Variants in CHEK1 observed in about 807,000 individuals in gnomAD.
CHEK1 encodes the protein serine/threonine-protein kinase Chk1.
Under a neutral mutation model 60.2 loss-of-function variants are expected in CHEK1, and 32 were observed. That is an observed-to-expected ratio of 0.53 (90% CI 0.40 to 0.71). The LOEUF (loss-of-function observed/expected upper bound fraction) is 0.71, where lower values mean the gene tolerates loss of function less well. Ranked by LOEUF, CHEK1 falls within the 30% of genes least tolerant of loss-of-function variation. CHEK1 has a pLI of 0.00. For synonymous variants in CHEK1, 179 were observed against 187.2 expected, an observed-to-expected ratio of 0.96 and a Z score of 0.36; for missense variants, 399 against 564.6, an observed-to-expected ratio of 0.71 and a Z score of 2.97.
At chr11:125,652,562 C>G (rs1358098035) in intron 11 of CHEK1, among the ~76,000 whole-genome samples, 1 of 152,132 alleles carries the variant, frequency 6.6e-6, no homozygotes, top group Non-Finnish European at 1.5e-5. Context: ...CACTCAATCC[C>G]TAGGAGCTGC....
At chr11:125,676,699 TTCTC>T (rs139088797), downstream of CHEK1, among the ~76,000 whole-genome samples, 3 of 152,124 alleles carry the variant, frequency 2.0e-5, no homozygotes, top group Non-Finnish European at 2.9e-5. Flanking sequence ...AATCCCAAAT[TTCTC>T]TCTCTAATAT....
chr11:125,630,110 C>CT (rs1940807188), intron 5 of CHEK1, among the ~76,000 whole-genome samples: 1 of 152,050 alleles, frequency 6.6e-6, no homozygotes, highest in African/African-American at 2.4e-5. Flanking sequence ...CCTGTTCACT[C>CT]TTTTTTTATG....
chr11:125,627,382 A>G (rs753605620), intron 2 of CHEK1, among the ~76,000 whole-genome samples: 8 of 152,220 alleles, frequency 5.3e-5, no homozygotes, highest in Non-Finnish European at 8.8e-5. Context: ...CGTTTATTAA[A>G]TGACTTGTGT....
intron 7 of CHEK1, among the ~76,000 whole-genome samples, chr11:125,636,335 G>T (rs3731415): frequency 1.3e-5 from 2 of 151,214 alleles, no homozygotes; most frequent in East Asian, 3.9e-4. Flanking sequence ...CTGCCATGTG[G>T]ATATGCCTTA....
chr11:125,632,781 T>A (rs886349742), intron 5 of CHEK1, among the ~76,000 whole-genome samples: 2 of 152,330 alleles, frequency 1.3e-5, no homozygotes, highest in East Asian at 3.9e-4. Flanking sequence ...CCTAACATAC[T>A]ACTGATGTTT....
intron 11 of CHEK1, among the ~76,000 whole-genome samples, chr11:125,648,176 A>T (rs1246508537): frequency 1.3e-5 from 2 of 151,264 alleles, no homozygotes; most frequent in Non-Finnish European, 2.9e-5. Context: ...CAAATTGTTC[A>T]TTGCTATATG....
At chr11:125,677,976 G>GA (rs1565396698), downstream of CHEK1, 1 of 1,612,532 alleles carries the variant, frequency 6.2e-7, no homozygotes, top group Non-Finnish European at 8.5e-7. Context: ...CTGTTCTCCG[G>GA]AGAGGTGTTC....
At position 125,626,016 on chromosome 11, in the gene CHEK1, A is replaced by G; in HGVS notation, c.-21+4A>G. ...GTGGTGGGCAAAGGACAGTCCGGTGAGGAAGGGCGGCCGGTAGAGTAGGGA... is the reference window on the plus strand; with the variant it reads ...GTGGTGGGCAAAGGACAGTCCGGTGGGGAAGGGCGGCCGGTAGAGTAGGGA... On this transcript the variant is annotated splice_donor_region_variant and intron_variant, in intron 1 of 12. Coordinates refer to ENST00000438015, the MANE Select transcript of CHEK1 (RefSeq NM_001114122.3). 1 of 696,892 alleles carries G rather than the reference A, an allele frequency of 1.4e-6. No homozygotes were observed. Among genetic ancestry groups the G allele is most frequent in the Non-Finnish European group, 2.6e-6 (1 of 380,176 alleles). 43.2% of individuals were successfully genotyped at this position (696,892 alleles called of 1,614,324 possible). A position where few individuals can be genotyped will look rare whatever the true frequency, so the allele number is the denominator to read the frequency against.
intron 11 of CHEK1, among the ~76,000 whole-genome samples, chr11:125,651,211 TTCAGCAAACGCTAC>T (rs1941714062): frequency 6.6e-6 from 1 of 152,094 alleles, no homozygotes. Context: ...TGTAAGTGTT[TTCAGCAAACGCTAC>T]TCAGGAGTAG....
At chr11:125,644,391 A>G in intron 10 of CHEK1, 121 bp from the exon 11 acceptor site, 2 of 1,467,726 alleles carry the variant, frequency 1.4e-6, no homozygotes, top group Non-Finnish European at 1.8e-6. Flanking sequence ...TTTTTTGGTC[A>G]AGGAAGAAAG....
chr11:125,669,195 G>C (rs930440548), intron 13 of CHEK1, among the ~76,000 whole-genome samples: 1 of 152,060 alleles, frequency 6.6e-6, no homozygotes, highest in Admixed American at 6.6e-5. Flanking sequence ...TTTCTCTTTA[G>C]CCTGAAGTTC....
chr11:125,626,904 A>T, intron 2 of CHEK1, 71 bp downstream of exon 2: 2 of 1,489,350 alleles, frequency 1.3e-6, no homozygotes, highest in Non-Finnish European at 1.9e-6. Flanking sequence ...CACTCTGGTG[A>T]TTTAGAAAGT....
chr11:125,643,666 C>T (rs975578906), intron 8 of CHEK1, 126 bp from the exon 9 acceptor site: 3 of 666,274 alleles, frequency 4.5e-6, no homozygotes, highest in Non-Finnish European at 4.9e-6. Flanking sequence ...TTATATCTTA[C>T]AAAAATTTTG....
At position 125,627,672 on chromosome 11, in the gene CHEK1, G is replaced by A. The variant is rs537858020; in HGVS notation, c.131G>A (p.Arg44His). Reference sequence around the variant, plus strand: ...GCAGTGAAGATTGTAGATATGAAGCGTGCCGTAGACTGTCCAGAAAATATT... The same window carrying A: ...GCAGTGAAGATTGTAGATATGAAGCATGCCGTAGACTGTCCAGAAAATATT... Reference protein sequence around the residue: ...AVAVKIVDMKRAVDCPENIKK... With the variant: ...AVAVKIVDMKHAVDCPENIKK... Residue 44 changes from arginine (R) to histidine (H), a missense_variant, in exon 3 of 13, where the codon CGT becomes CAT. By Grantham distance (29) the Arg-to-His change is conservative. Coordinates refer to ENST00000438015, the MANE Select transcript of CHEK1 (RefSeq NM_001114122.3). 6.2e-6 allele frequency: 10 copies of A among 1,613,866 alleles called. No homozygotes were observed. Among genetic ancestry groups the A allele is most frequent in the East Asian group, 2.2e-5 (1 of 44,840 alleles).
intron 8 of CHEK1, among the ~76,000 whole-genome samples, chr11:125,640,385 C>CA (rs1286697314): frequency 6.6e-6 from 1 of 151,686 alleles, no homozygotes; most frequent in Non-Finnish European, 1.5e-5. Context: ...ACTAAAAATA[C>CA]AAAAAATTAG....
intron 13 of CHEK1, among the ~76,000 whole-genome samples, chr11:125,664,804 GT>G (rs1942071289): frequency 6.6e-6 from 1 of 151,966 alleles, no homozygotes; most frequent in South Asian, 2.1e-4. Flanking sequence ...TTTTGCTTTT[GT>G]TTCCTGTACT....
downstream of CHEK1, chr11:125,680,850 G>T (rs113374162): frequency 7.6e-7 from 1 of 1,318,854 alleles, no homozygotes; most frequent in Non-Finnish European, 1.1e-6. Context: ...AGCAAACTGC[G>T]AGCAAAAGCT....
Position 125,625,901 on chromosome 11 carries a change from T to C in CHEK1, c.-132T>C, listed in dbSNP as rs1940572431. 2 of 702,654 alleles carry C rather than the reference T, an allele frequency of 2.8e-6. No individual in the cohort carries two copies. Among genetic ancestry groups the C allele is most frequent in the Non-Finnish European group, 5.2e-6 (2 of 385,016 alleles). 43.5% of individuals were successfully genotyped at this position (702,654 alleles called of 1,614,324 possible). ...AGGGGCAGGACACGGGAACGCGCGCTGTCTTGCTTTACGGCGCGGGTGCGC... is the reference window on the plus strand; with the variant it reads ...AGGGGCAGGACACGGGAACGCGCGCCGTCTTGCTTTACGGCGCGGGTGCGC... On this transcript the variant is annotated 5_prime_UTR_variant, in exon 1 of 13. Transcript: ENST00000438015.
At position 125,655,779 on chromosome 11, in the gene CHEK1, G is replaced by A. The variant is rs1198805611; in HGVS notation, c.*459G>A. ...CAGTAGATTTATCAGTCTGTGAAGC[G>A]AAGCCAGCTTCAAAACATATCCCCA... On this transcript the variant is annotated 3_prime_UTR_variant, in exon 13 of 13. Transcript: ENST00000438015. The A allele has an allele frequency of 4.2e-5, 9 of 216,468 alleles. No individual in the cohort carries two copies. Among genetic ancestry groups the A allele is most frequent in the Non-Finnish European group, 8.4e-5 (9 of 107,586 alleles). 13.4% of individuals were successfully genotyped at this position (216,468 alleles called of 1,614,324 possible). A position where few individuals can be genotyped will look rare whatever the true frequency, so the allele number is the denominator to read the frequency against.
Sources: gnomAD v4.1 joint callset for allele counts (sites outside exome capture counted in the v4.1 genomes callset) on GRCh38, gnomAD v4.1.1 for gene constraint, MANE v1.5 for transcripts, NCBI Gene and HGNC (gene_info 2026-07-23, HGNC 2026-07-21) for gene names.